The following RBM27 variants were observed in gnomAD, a reference collection of about 807,000 sequenced individuals.
RBM27 encodes RNA binding motif protein 27.
Under a neutral mutation model 135.3 loss-of-function variants are expected in RBM27, and 22 were observed. The ratio of observed to expected loss-of-function variants is 0.16; its 90% confidence interval spans 0.12 to 0.23. The LOEUF (loss-of-function observed/expected upper bound fraction) is 0.23. Ranked by LOEUF, RBM27 falls within the 10% of genes least tolerant of loss-of-function variation. RBM27 has a pLI of 1.00. For missense variants in RBM27, 1,009 were observed against 1,281.0 expected (o/e 0.79, Z 3.24); for synonymous variants, 481 against 442.4 (o/e 1.09, Z -1.10).
At chr5:146,216,002 A>AC (rs747528398) in intron 1 of RBM27, among the ~76,000 whole-genome samples, 1 of 150,192 alleles carries the variant, frequency 6.7e-6, no homozygotes, top group Non-Finnish European at 1.5e-5. Flanking sequence ...TCCTGCCTCG[A>AC]CCTCCCAAGT....
chr5:146,209,839 TTTGGCCAGAAGACTTC>T (rs1755859444), intron 1 of RBM27, among the ~76,000 whole-genome samples: 1 of 152,188 alleles, frequency 6.6e-6, no homozygotes, highest in Admixed American at 6.5e-5. Flanking sequence ...AGAAAAGAAC[TTTGGCCAGAAGACTTC>T]TTGGCAAGTT....
intron 11 of RBM27, among the ~76,000 whole-genome samples, chr5:146,260,434 G>C (rs1758345849): frequency 6.6e-6 from 1 of 152,116 alleles, no homozygotes; most frequent in South Asian, 2.1e-4. Flanking sequence ...ATGTTCCCCA[G>C]ACTGGTCTGG....
At chr5:146,224,541 G>C (rs2126727150) in intron 3 of RBM27, among the ~76,000 whole-genome samples, 1 of 152,128 alleles carries the variant, frequency 6.6e-6, no homozygotes, top group African/African-American at 2.4e-5. Context: ...TATTAGTTGG[G>C]CGTAGTGGCA....
chr5:146,251,672 C>T lies in RBM27; in HGVS notation c.1280-39C>T, dbSNP rs375008767. 2.4e-5 allele frequency: 37 copies of T among 1,538,466 alleles called. No homozygotes were observed. In the Middle Eastern group the frequency reaches 1.0e-3, roughly 42 times the overall value. On this transcript the variant is annotated intron_variant, in intron 8 of 20. Coordinates refer to ENST00000265271, the MANE Select transcript of RBM27 (RefSeq NM_018989.2). ...ATCATCACCTAAGAGAAGCTTGTGA[C>T]TCTCATTCCCAGCTGCCCTCCTATT... is the stretch of plus-strand genomic sequence containing the variant.
chr5:146,205,312 T>C (rs1472652561), intron 1 of RBM27, among the ~76,000 whole-genome samples: 1 of 152,186 alleles, frequency 6.6e-6, no homozygotes, highest in East Asian at 1.9e-4. Context: ...TGCTTCTGCT[T>C]TATTATTCTC....
chr5:146,212,357 G>GT lies in RBM27; in HGVS notation c.60-6622dup, dbSNP rs745589909. ...GCGTGAGCCACCCCGCCCGGCCCTT[G>GT]TTTTTTATTAAGACAGGGTTTTGCT... On this transcript the variant is annotated intron_variant, in intron 1 of 20. Transcript: ENST00000265271. 9.2e-4 allele frequency among the ~76,000 whole-genome samples: 134 copies of GT among 145,336 alleles called. 1 individual carries two copies. The highest frequency in any genetic ancestry group is 1.7e-3 in the Non-Finnish European group (114 of 66,152).
chr5:146,216,884 C>T (rs1252581779), intron 1 of RBM27, among the ~76,000 whole-genome samples: 1 of 152,144 alleles, frequency 6.6e-6, no homozygotes, highest in Non-Finnish European at 1.5e-5. Context: ...TCTTGAACTT[C>T]TAGGCTTAAG....
At chr5:146,248,234 G>GTT (rs371306680) in intron 8 of RBM27, among the ~76,000 whole-genome samples, 148 of 134,692 alleles carry the variant, frequency 1.1e-3, no homozygotes, top group African/African-American at 2.1e-3. Flanking sequence ...GCTTCTGCTA[G>GTT]TTTTTTTTTT....
intron 14 of RBM27, among the ~76,000 whole-genome samples, chr5:146,266,955 T>TA (rs1049268328): frequency 8.5e-5 from 13 of 152,070 alleles, no homozygotes; most frequent in Non-Finnish European, 1.8e-4. Flanking sequence ...AGGAAAACTT[T>TA]AAAAAAAGAA....
intron 15 of RBM27, among the ~76,000 whole-genome samples, chr5:146,268,620 G>A (rs1758726483): frequency 6.6e-6 from 1 of 151,934 alleles, no homozygotes; most frequent in South Asian, 2.1e-4. Context: ...TTCTCACTCT[G>A]TCACTCACGT....
At chr5:146,208,146 G>A (rs1755782266) in intron 1 of RBM27, among the ~76,000 whole-genome samples, 1 of 151,550 alleles carries the variant, frequency 6.6e-6, no homozygotes, top group African/African-American at 2.4e-5. Flanking sequence ...TAGTAGAGAT[G>A]GAGTTTCACC....
chr5:146,217,420 A>T (rs1017013417), intron 1 of RBM27, among the ~76,000 whole-genome samples: 1 of 149,680 alleles, frequency 6.7e-6, no homozygotes, highest in Non-Finnish European at 1.5e-5. Context: ...TACTAATCTC[A>T]TAAAGTTATT....
rs774152171 is a variant in RBM27 at position 146,258,456 on chromosome 5, C to T, written c.1602C>T (p.Asn534=). The T allele has an allele frequency of 7.1e-6, 11 of 1,551,600 alleles. No homozygotes were observed. Among genetic ancestry groups the T allele is most frequent in the Non-Finnish European group, 9.6e-6 (11 of 1,151,494 alleles). ...GDMDVNPRAA[N]IVIQTEPPVP... is the part of the protein sequence containing the mutation. Reference sequence around the variant, plus strand: ...AATTTTTTTTTCCAACAGCTGCTAACATTGTGATCCAGACTGAACCACCAG... The same window carrying T: ...AATTTTTTTTTCCAACAGCTGCTAATATTGTGATCCAGACTGAACCACCAG... Residue 534 remains asparagine, a synonymous_variant, in exon 11 of 21, where the codon AAC becomes AAT. Transcript: ENST00000265271.
At chr5:146,246,670 C>T (rs1485119858) in intron 8 of RBM27, among the ~76,000 whole-genome samples, 2 of 152,212 alleles carry the variant, frequency 1.3e-5, no homozygotes, top group East Asian at 3.9e-4. Context: ...GCCTGGATAA[C>T]ATAGTAAGAC....
chr5:146,284,250 A>G (rs1015647935), intron 19 of RBM27, among the ~76,000 whole-genome samples: 5 of 152,172 alleles, frequency 3.3e-5, no homozygotes, highest in African/African-American at 7.2e-5. Flanking sequence ...CCTTTTTTCT[A>G]AGGTTTGAGT....
At chr5:146,231,845 C>T (rs933150886) in intron 6 of RBM27, among the ~76,000 whole-genome samples, 7 of 152,054 alleles carry the variant, frequency 4.6e-5, no homozygotes, top group Non-Finnish European at 1.0e-4. Flanking sequence ...GAACTCCTGA[C>T]CTCAGGTGAT....
intron 13 of RBM27, among the ~76,000 whole-genome samples, chr5:146,263,285 T>C (rs1758472774): frequency 6.6e-6 from 1 of 152,226 alleles, no homozygotes; most frequent in African/African-American, 2.4e-5. Context: ...TGTTGTGATA[T>C]GTTTTAGACA....
chr5:146,266,920 C>T (rs1223056925), intron 14 of RBM27, among the ~76,000 whole-genome samples: 1 of 151,826 alleles, frequency 6.6e-6, no homozygotes, highest in Non-Finnish European at 1.5e-5. Flanking sequence ...CAGAGTGAGA[C>T]CTTATCTTTA....
chr5:146,264,844 A>G (rs947024346), intron 14 of RBM27, among the ~76,000 whole-genome samples: 3 of 152,184 alleles, frequency 2.0e-5, no homozygotes, highest in African/African-American at 7.2e-5. Flanking sequence ...GGAACAGGTC[A>G]GTGGGGAAGT....
Sources: gnomAD v4.1 joint callset for allele counts (sites outside exome capture counted in the v4.1 genomes callset) on GRCh38, gnomAD v4.1.1 for gene constraint, MANE v1.5 for transcripts, NCBI Gene and HGNC (gene_info 2026-07-23, HGNC 2026-07-21) for gene names.